PDE3A: variants seen among roughly 807,000 people sequenced by gnomAD.
The protein encoded by PDE3A is phosphodiesterase 3A, also known as cGMP-inhibited 3',5'-cyclic phosphodiesterase 3A.
In PDE3A, 43 loss-of-function variants were observed where a neutral mutation model predicts 98.3. That is an observed-to-expected ratio of 0.44 (90% CI 0.34 to 0.56). The LOEUF is 0.56. Ranked by LOEUF, PDE3A falls within the 20% of genes least tolerant of loss-of-function variation. The pLI is 0.01. For synonymous variants in PDE3A, 663 were observed against 567.9 expected (o/e 1.17, Z -2.38); for missense variants, 1,427 against 1,440.7 (o/e 0.99, Z 0.15).
At chr12:20,420,322 C>T (rs978973769) in intron 1 of PDE3A, among the ~76,000 whole-genome samples, 4 of 151,962 alleles carry the variant, frequency 2.6e-5, no homozygotes, top group African/African-American at 7.3e-5. Context: ...CCTATAAATC[C>T]GATCTCCACG....
rs571353651 is a variant in PDE3A, at chr12:20,581,674, A to G, written c.1011+24964A>G. 4.0e-3 allele frequency among the ~76,000 whole-genome samples: 580 copies of G among 143,340 alleles called. 3 individuals are homozygous for G. The highest frequency in any genetic ancestry group is 0.015 in the African/African-American group (552 of 37,762). 94.0% of individuals were successfully genotyped at this position (143,340 alleles called of 152,430 possible). A position where few individuals can be genotyped will look rare whatever the true frequency, so the allele number is the denominator to read the frequency against. ...GTCGCCCAGGCTGGAGTACAGTGGCACGATCTCGGCTCACTGCAAGCTCCG... is the reference window on the plus strand; with the variant it reads ...GTCGCCCAGGCTGGAGTACAGTGGCGCGATCTCGGCTCACTGCAAGCTCCG... On this transcript the variant is annotated intron_variant, in intron 2 of 15. Coordinates refer to ENST00000359062, the MANE Select transcript of PDE3A (RefSeq NM_000921.5).
At chr12:20,673,689 G>A (rs1945552464) in intron 15 of PDE3A, among the ~76,000 whole-genome samples, 1 of 135,656 alleles carries the variant, frequency 7.4e-6, no homozygotes, top group African/African-American at 2.8e-5. Context: ...ATCACACTGG[G>A]GACTGTTGTG....
intron 1 of PDE3A, among the ~76,000 whole-genome samples, chr12:20,373,968 C>T (rs571154225): frequency 1.3e-5 from 2 of 152,202 alleles, no homozygotes; most frequent in East Asian, 3.9e-4. Flanking sequence ...TTCCTAAATG[C>T]CTGTCAATGT....
At chr12:20,647,991 C>T (rs1944816755) in intron 12 of PDE3A, among the ~76,000 whole-genome samples, 1 of 151,580 alleles carries the variant, frequency 6.6e-6, no homozygotes, top group South Asian at 2.1e-4. Flanking sequence ...CACTAGTGTT[C>T]AGGCATTTTG....
chr12:20,670,822 A>G (rs1023823223), intron 15 of PDE3A, among the ~76,000 whole-genome samples: 3 of 135,880 alleles, frequency 2.2e-5, no homozygotes, highest in African/African-American at 6.0e-5. Flanking sequence ...TTCAAAAGCT[A>G]GCAGAAGGCA....
At chr12:20,632,925 A>C (rs1310770108) in intron 6 of PDE3A, among the ~76,000 whole-genome samples, 3 of 150,554 alleles carry the variant, frequency 2.0e-5, no homozygotes, top group Non-Finnish European at 4.4e-5. Context: ...AACCCAATTA[A>C]ATAAAATAAA....
chr12:20,502,098 G>A (rs1278580120), intron 1 of PDE3A, among the ~76,000 whole-genome samples: 1 of 152,086 alleles, frequency 6.6e-6, no homozygotes. Flanking sequence ...GGCTATAGAG[G>A]AGGCTAATAC....
chr12:20,551,719 C>T (rs1225397646), intron 1 of PDE3A: 2 of 1,613,556 alleles, frequency 1.2e-6, no homozygotes, highest in African/African-American at 1.3e-5. Flanking sequence ...CCCTGAGTGC[C>T]GGAATGATGC....
chr12:20,629,104 T>G (rs576261813), intron 5 of PDE3A, among the ~76,000 whole-genome samples: 1 of 152,350 alleles, frequency 6.6e-6, no homozygotes, highest in South Asian at 2.1e-4. Context: ...TTTTTTCCAT[T>G]TTAACTGCAG....
intron 4 of PDE3A, among the ~76,000 whole-genome samples, chr12:20,619,192 A>T (rs12578604): frequency 0.098 from 14,907 of 152,018 alleles, 840 homozygotes; most frequent in East Asian, 0.2. Flanking sequence ...TATTGTATTA[A>T]TAGTAAAATA....
chr12:20,598,174 A>AATTATTATT (rs533512178), intron 2 of PDE3A, among the ~76,000 whole-genome samples: 2,619 of 150,136 alleles, frequency 0.017, 68 homozygotes, highest in African/African-American at 0.061. Context: ...TTCTTTTTTT[A>AATTATTATT]ATTATTATTA....
At chr12:20,632,693 T>TA (rs1652163362) in intron 6 of PDE3A, among the ~76,000 whole-genome samples, 1 of 152,054 alleles carries the variant, frequency 6.6e-6, no homozygotes, top group Non-Finnish European at 1.5e-5. Flanking sequence ...CTTGGTGGTT[T>TA]ACGGTACATC....
At chr12:20,409,218 G>T (rs945808461) in intron 1 of PDE3A, among the ~76,000 whole-genome samples, 2 of 152,118 alleles carry the variant, frequency 1.3e-5, no homozygotes, top group Non-Finnish European at 2.9e-5. Context: ...ATTCTTAATA[G>T]TTGTTATATT....
At chr12:20,426,439 G>T (rs1200214068) in intron 1 of PDE3A, among the ~76,000 whole-genome samples, 5 of 152,138 alleles carry the variant, frequency 3.3e-5, no homozygotes, top group Non-Finnish European at 7.3e-5. Context: ...TCCACATCAT[G>T]GGAAGTAACA....
intron 2 of PDE3A, among the ~76,000 whole-genome samples, chr12:20,603,919 A>C (rs7133190): frequency 0.95 from 144,746 of 152,230 alleles, 69,149 homozygotes; most frequent in East Asian, 1. Context: ...GCCTGTAATC[A>C]CAGCACTTTG....
At chr12:20,569,084 TTAAAAA>T (rs1942730906) in intron 2 of PDE3A, among the ~76,000 whole-genome samples, 1 of 152,062 alleles carries the variant, frequency 6.6e-6, no homozygotes, top group East Asian at 1.9e-4. Flanking sequence ...ATGCCTTATA[TTAAAAA>T]TAAAATCATT....
intron 1 of PDE3A, among the ~76,000 whole-genome samples, chr12:20,545,746 C>A (rs1470065793): frequency 6.8e-6 from 1 of 146,452 alleles, no homozygotes; most frequent in Non-Finnish European, 1.5e-5. Context: ...TTGCCCTACC[C>A]CAAGAGTAAA....
intron 1 of PDE3A, among the ~76,000 whole-genome samples, chr12:20,488,902 A>G (rs1209165417): frequency 6.6e-6 from 1 of 151,888 alleles, no homozygotes; most frequent in Non-Finnish European, 1.5e-5. Flanking sequence ...AAAAGAGAAA[A>G]AGAAGCAGTT....
intron 1 of PDE3A, among the ~76,000 whole-genome samples, chr12:20,457,549 C>T (rs1427641976): frequency 7.9e-5 from 12 of 151,568 alleles, no homozygotes; most frequent in Non-Finnish European, 1.8e-4. Context: ...TATACACACA[C>T]ATTATACATA....
Sources: allele counts gnomAD v4.1 joint callset (sites outside exome capture counted in the v4.1 genomes callset), GRCh38; gene constraint gnomAD v4.1.1; transcripts MANE v1.5; gene names NCBI Gene and HGNC (gene_info 2026-07-23, HGNC 2026-07-21).